MARCHF1: variants seen among roughly 807,000 people sequenced by gnomAD.
MARCHF1 encodes membrane associated ring-CH-type finger 1.
In MARCHF1, 40 loss-of-function variants were observed where a neutral mutation model predicts 54.2. The observed-to-expected ratio is 0.74, with a 90% CI of 0.57 to 0.96. MARCHF1 has a LOEUF of 0.96. Among genes scored for constraint, MARCHF1 ranks in the 40% least tolerant of loss-of-function variants. The pLI is 0.00. For missense variants in MARCHF1, 586 were observed against 656.5 expected, an observed-to-expected ratio of 0.89 and a Z score of 1.17; for synonymous variants, 236 against 236.3, an observed-to-expected ratio of 1.00 and a Z score of 0.01.
intron 1 of MARCHF1, among the ~76,000 whole-genome samples, chr4:164,313,319 A>G (rs902078908): frequency 7.0e-6 from 1 of 143,692 alleles, no homozygotes; most frequent in Non-Finnish European, 1.5e-5. Flanking sequence ...ACTGCACTCC[A>G]GCCTGGGTGG....
intron 1 of MARCHF1, among the ~76,000 whole-genome samples, chr4:164,313,115 C>T (rs1422447837): frequency 2.0e-5 from 3 of 147,826 alleles, no homozygotes; most frequent in Admixed American, 1.4e-4. Context: ...AAGGTGGGCA[C>T]ATTACGAGGT....
chr4:164,382,316 A>T (rs1334184444), intron 1 of MARCHF1, among the ~76,000 whole-genome samples: 2 of 152,046 alleles, frequency 1.3e-5, no homozygotes, highest in Non-Finnish European at 1.5e-5. Flanking sequence ...CTATCTTTAA[A>T]GAAAAAAAAT....
intron 2 of MARCHF1, among the ~76,000 whole-genome samples, chr4:164,030,671 C>T (rs975031620): frequency 6.6e-6 from 1 of 152,134 alleles, no homozygotes; most frequent in African/African-American, 2.4e-5. Flanking sequence ...GAGGAAATAG[C>T]TTTGTGGCAG....
intron 1 of MARCHF1, among the ~76,000 whole-genome samples, chr4:164,239,898 T>A (rs116513718): frequency 1.3e-5 from 2 of 152,194 alleles, no homozygotes; most frequent in African/African-American, 4.8e-5. Context: ...CTTAATACTA[T>A]GATTATTTTA....
chr4:164,038,946 T>C (rs1273514662), intron 2 of MARCHF1, among the ~76,000 whole-genome samples: 2 of 152,044 alleles, frequency 1.3e-5, no homozygotes, highest in Non-Finnish European at 2.9e-5. Flanking sequence ...AAATATAAAA[T>C]AAAAGGAAAA....
intron 1 of MARCHF1, among the ~76,000 whole-genome samples, chr4:164,242,072 G>T (rs971603079): frequency 1.1e-4 from 16 of 152,188 alleles, no homozygotes; most frequent in African/African-American, 3.4e-4. Flanking sequence ...CCATTGCCCA[G>T]CCTTGATTAG....
rs534131257 is a variant in MARCHF1, at chr4:163,932,672, T to C, written c.-39+55829A>G. On this transcript the variant is annotated intron_variant, in intron 3 of 9. Transcript: ENST00000514618. ...TTTCCGTGGCCTACATGAGTGCGGT[T>C]GGGGGCTGCAGGTCCACCTGCAGGG... 58 of 493,570 alleles carry C rather than the reference T, an allele frequency of 1.2e-4. No homozygotes were observed. The East Asian group carries it at 2.7e-3, about 23-fold the overall frequency. The allele number at this position is 493,570 out of a possible 1,614,324, so 30.6% of individuals were successfully genotyped here.
intron 1 of MARCHF1, among the ~76,000 whole-genome samples, chr4:164,327,627 G>A (rs1453439268): frequency 6.6e-6 from 1 of 152,206 alleles, no homozygotes; most frequent in East Asian, 1.9e-4. Context: ...CCTGTGGAGA[G>A]TGACACTGGA....
At chr4:163,954,971 T>C (rs1382370186) in intron 3 of MARCHF1, among the ~76,000 whole-genome samples, 2 of 152,150 alleles carry the variant, frequency 1.3e-5, no homozygotes, top group African/African-American at 4.8e-5. Context: ...GTAACACATT[T>C]GTCTGCCTCC....
intron 4 of MARCHF1, among the ~76,000 whole-genome samples, chr4:163,827,222 T>C (rs1340126635): frequency 1.3e-5 from 2 of 152,114 alleles, no homozygotes; most frequent in Non-Finnish European, 2.9e-5. Flanking sequence ...AACATATTGA[T>C]GTTTTATGGA....
intron 8 of MARCHF1, among the ~76,000 whole-genome samples, chr4:163,580,611 T>C (rs1436807596): frequency 6.6e-6 from 1 of 152,170 alleles, no homozygotes; most frequent in African/African-American, 2.4e-5. Flanking sequence ...TATTTCAAGA[T>C]ATAGAAGTTG....
At chr4:164,052,753 TAGTC>T (rs1301011335) in intron 2 of MARCHF1, among the ~76,000 whole-genome samples, 1 of 152,080 alleles carries the variant, frequency 6.6e-6, no homozygotes, top group East Asian at 1.9e-4. Context: ...AATGATAAAG[TAGTC>T]AGGTAAAATC....
At chr4:163,949,343 G>C (rs1321662882) in intron 3 of MARCHF1, among the ~76,000 whole-genome samples, 1 of 152,164 alleles carries the variant, frequency 6.6e-6, no homozygotes, top group Non-Finnish European at 1.5e-5. Flanking sequence ...TAGAAGCTTG[G>C]AGATGACAGG....
chr4:163,828,631 T>TCA (rs1444991983), intron 4 of MARCHF1, among the ~76,000 whole-genome samples: 3 of 152,114 alleles, frequency 2.0e-5, no homozygotes, highest in Non-Finnish European at 2.9e-5. Flanking sequence ...ATTTCAAGTT[T>TCA]CACACACACA....
At chr4:164,083,756 A>T (rs1338285081) in intron 2 of MARCHF1, among the ~76,000 whole-genome samples, 1 of 152,040 alleles carries the variant, frequency 6.6e-6, no homozygotes, top group African/African-American at 2.4e-5. Context: ...TGCTTCAGTC[A>T]CATTTTCAAA....
chr4:163,667,432 G>A (rs941216531), intron 5 of MARCHF1, among the ~76,000 whole-genome samples: 1 of 152,018 alleles, frequency 6.6e-6, no homozygotes, highest in Non-Finnish European at 1.5e-5. Flanking sequence ...TGAAAATAGT[G>A]TTCTACAGAT....
chr4:164,141,964 G>T (rs562117793), intron 1 of MARCHF1, among the ~76,000 whole-genome samples: 1 of 152,108 alleles, frequency 6.6e-6, no homozygotes, highest in East Asian at 1.9e-4. Context: ...GTGGGTGGGC[G>T]CACCGTGAGC....
Position 163,612,871 on chromosome 4 carries a change from CTTA to C in MARCHF1, c.407_409del (p.Ile136del). The C allele has an allele frequency of 2.0e-6, 3 of 1,535,396 alleles. No individual in the cohort carries two copies. The highest frequency in any genetic ancestry group is 2.6e-6 in the Non-Finnish European group (3 of 1,146,516). ...AAGGTGAAAGTCATTTTTTCTCCCT[CTTA>C]TTTGTTCTTCTGCAGCATGCTCATA... On this transcript the variant is annotated inframe_deletion, in exon 7 of 10. Coordinates refer to ENST00000514618, the MANE Select transcript of MARCHF1 (RefSeq NM_001394959.1).
chr4:163,660,717 C>T (rs1320178456), intron 5 of MARCHF1, among the ~76,000 whole-genome samples: 1 of 151,948 alleles, frequency 6.6e-6, no homozygotes, highest in Non-Finnish European at 1.5e-5. Flanking sequence ...TGTATTCTGC[C>T]AGACTTAATC....
Sources: gnomAD v4.1 joint callset for allele counts (sites outside exome capture counted in the v4.1 genomes callset) on GRCh38, gnomAD v4.1.1 for gene constraint, MANE v1.5 for transcripts, NCBI Gene and HGNC (gene_info 2026-07-23, HGNC 2026-07-21) for gene names.